Variants in TNKS2 observed in about 807,000 individuals in gnomAD.
TNKS2 encodes the protein tankyrase 2.
A neutral mutation model predicts 137.6 loss-of-function variants in TNKS2; 72 were observed. The ratio of observed to expected loss-of-function variants is 0.52; its 90% CI spans 0.43 to 0.64. TNKS2 has a LOEUF of 0.64. TNKS2 is among the 30% of genes least tolerant of loss of function. The pLI is 0.00. For missense variants in TNKS2, 1,049 were observed against 1,410.2 expected, an observed-to-expected ratio of 0.74 and a Z score of 4.10; for synonymous variants, 516 against 512.1, an observed-to-expected ratio of 1.01 and a Z score of -0.10.
rs895846439 is a variant in TNKS2 at position 91,798,432 on chromosome 10, C to A, written c.-259C>A. 4 of 278,508 alleles carry A rather than the reference C, an allele frequency of 1.4e-5. No homozygotes were observed. Among genetic ancestry groups the A allele is most frequent in the Non-Finnish European group, 2.6e-5 (4 of 153,126 alleles). 17.3% of individuals were successfully genotyped at this position (278,508 alleles called of 1,614,324 possible). A position where few individuals can be genotyped will look rare whatever the true frequency, so the allele number is the denominator to read the frequency against. On this transcript the variant is annotated 5_prime_UTR_variant, in exon 1 of 27. Transcript: ENST00000371627. ...TGGCAGGAGGGGCCTTGCCAGCTTCCGCCGCCGCGTCGTTTCAGGACCCGG... is the reference window on the plus strand; with the variant it reads ...TGGCAGGAGGGGCCTTGCCAGCTTCAGCCGCCGCGTCGTTTCAGGACCCGG...
intron 16 of TNKS2, among the ~76,000 whole-genome samples, chr10:91,843,670 G>C (rs1007749455): frequency 2.6e-5 from 4 of 152,136 alleles, no homozygotes; most frequent in African/African-American, 9.7e-5. Context: ...TAAAATCACT[G>C]AGCTATAGCT....
intron 24 of TNKS2, 99 bp from the exon 25 acceptor site, chr10:91,859,363 G>T: frequency 9.9e-7 from 1 of 1,011,600 alleles, no homozygotes; most frequent in Non-Finnish European, 1.4e-6. Context: ...ATTATGGTTG[G>T]GCTATATATT....
chr10:91,844,960 C>T lies in TNKS2; in HGVS notation c.2101C>T (p.His701Tyr), dbSNP rs1345596359. Residue 701 changes from histidine (H) to tyrosine (Y), a missense_variant, in exon 17 of 27, where the codon CAC becomes TAC. By Grantham distance (83) the His-to-Tyr change is moderately conservative (BLOSUM62 2). Coordinates refer to ENST00000371627, the MANE Select transcript of TNKS2 (RefSeq NM_025235.4). Reference protein sequence around the residue: ...NLEVAEYLLQHGADVNAQDKG... With the variant: ...NLEVAEYLLQYGADVNAQDKG... Reference sequence around the variant, plus strand: ...AGAAGTTGCAGAGTATTTGTTACAACACGGAGCTGATGTGAATGCCCAAGA... The same window carrying T: ...AGAAGTTGCAGAGTATTTGTTACAATACGGAGCTGATGTGAATGCCCAAGA... The T allele has an allele frequency of 3.7e-6, 6 of 1,613,418 alleles. No individual in the cohort carries two copies. Among genetic ancestry groups the T allele is most frequent in the East Asian group, 2.2e-5 (1 of 44,830 alleles).
intron 26 of TNKS2, among the ~76,000 whole-genome samples, 189 bp from the exon 27 acceptor site, chr10:91,862,748 G>T (rs1258579987): frequency 6.6e-6 from 1 of 152,062 alleles, no homozygotes; most frequent in Non-Finnish European, 1.5e-5. Context: ...ATTCATCTTA[G>T]ACTTGCTGAT....
At chr10:91,820,149 T>G (rs1246113645) in intron 6 of TNKS2, 116 bp downstream of exon 6, 1 of 640,740 alleles carries the variant, frequency 1.6e-6, no homozygotes, top group African/African-American at 1.9e-5. Context: ...ATATTGAGCT[T>G]TTACAATGTA....
Position 91,810,495 on chromosome 10 carries a change from G to GTTGTT in TNKS2, c.200-2470_200-2466dup, listed in dbSNP as rs111875788. 5.7e-3 allele frequency among the ~76,000 whole-genome samples: 866 copies of GTTGTT among 151,854 alleles called. 9 individuals are homozygous for GTTGTT. The highest frequency in any genetic ancestry group is 0.019 in the African/African-American group (783 of 41,398). On this transcript the variant is annotated intron_variant, in intron 1 of 26. Transcript: ENST00000371627. ...AGCCTAACATACTCCTTTCATTGTT[G>GTTGTT]TTGTTTTGTTTTGTTTTGTTTTTTT... is the stretch of plus-strand genomic sequence containing the variant.
At chr10:91,836,000 CGTGTGTGTGTGTGTGT>C (rs58777939) in intron 12 of TNKS2, among the ~76,000 whole-genome samples, 83 of 113,030 alleles carry the variant, frequency 7.3e-4, no homozygotes, top group Non-Finnish European at 1.2e-3. Context: ...ATAAGAATAC[CGTGTGTGTGTGTGTGT>C]GTGTGTGTGT....
chr10:91,804,410 A>T (rs1282309179), intron 1 of TNKS2, among the ~76,000 whole-genome samples: 2 of 152,220 alleles, frequency 1.3e-5, no homozygotes, highest in Non-Finnish European at 2.9e-5. Flanking sequence ...TACTCTGTGT[A>T]TGGTTTCATC....
chr10:91,834,072 A>C, intron 12 of TNKS2, 48 bp downstream of exon 12: 1 of 1,445,624 alleles, frequency 6.9e-7, no homozygotes, highest in Non-Finnish European at 9.2e-7. Context: ...AACCTTTAAA[A>C]ATTTTTCACA....
rs1444245169 is a variant in TNKS2, at chr10:91,817,175, G to T, written c.466G>T (p.Asp156Tyr). ...AGCTGAGCCAACCATCCGAAATACAGATGGAAGGACAGCATTGGATTTAGC... is the reference window on the plus strand; with the variant it reads ...AGCTGAGCCAACCATCCGAAATACATATGGAAGGACAGCATTGGATTTAGC... ...HGAEPTIRNT[D>Y]GRTALDLADP... Residue 156 changes from aspartate to tyrosine, a missense_variant, in exon 3 of 27, where the codon GAT (aspartate) becomes TAT (tyrosine). By Grantham distance (160) the Asp-to-Tyr change is radical. Transcript: ENST00000371627. 1.2e-6 allele frequency: 2 copies of T among 1,613,694 alleles called. No homozygotes were observed. The highest frequency in any genetic ancestry group is 1.7e-6 in the Non-Finnish European group (2 of 1,179,898).
intron 21 of TNKS2, among the ~76,000 whole-genome samples, chr10:91,852,976 T>C (rs969714932): frequency 2.0e-5 from 3 of 152,218 alleles, no homozygotes; most frequent in South Asian, 4.1e-4. Flanking sequence ...GGAAAGTCCA[T>C]GATTTCCTGA....
chr10:91,811,893 A>G (rs1252782595), intron 1 of TNKS2, among the ~76,000 whole-genome samples: 1 of 152,114 alleles, frequency 6.6e-6, no homozygotes, highest in Admixed American at 6.5e-5. Flanking sequence ...TCCCATCTCT[A>G]CTAAAAAATA....
intron 10 of TNKS2, 44 bp from the exon 11 acceptor site, chr10:91,831,059 T>C: frequency 1.2e-6 from 2 of 1,612,892 alleles, no homozygotes; most frequent in Non-Finnish European, 1.7e-6. Flanking sequence ...ATTTTACTCT[T>C]TTGGAAAATA....
At chr10:91,799,035 A>G (rs1844068613) in intron 1 of TNKS2, 146 bp downstream of exon 1, 1 of 1,214,570 alleles carries the variant, frequency 8.2e-7, no homozygotes, top group Middle Eastern at 3.2e-4. Context: ...AGTGGGGACT[A>G]AGGAGATTAG....
intron 24 of TNKS2, 27 bp downstream of exon 24, chr10:91,857,557 C>T (rs1842744306): frequency 2.1e-6 from 3 of 1,430,654 alleles, no homozygotes; most frequent in Middle Eastern, 1.8e-4. Flanking sequence ...CCAACTCTAC[C>T]ACTGTCTTCC....
intron 3 of TNKS2, among the ~76,000 whole-genome samples, chr10:91,818,808 C>CA (rs1448389835): frequency 6.6e-6 from 1 of 152,152 alleles, no homozygotes; most frequent in Non-Finnish European, 1.5e-5. Flanking sequence ...GCTGGGATTA[C>CA]AGACATGAGC....
chr10:91,857,199 C>T (rs376356541), intron 23 of TNKS2, among the ~76,000 whole-genome samples: 19 of 152,200 alleles, frequency 1.2e-4, no homozygotes, highest in South Asian at 1.0e-3. Flanking sequence ...CTGACCTTCA[C>T]ATATGGCCTT....
intron 6 of TNKS2, among the ~76,000 whole-genome samples, chr10:91,820,657 GATT>G (rs1844857281): frequency 6.6e-6 from 1 of 152,224 alleles, no homozygotes; most frequent in African/African-American, 2.4e-5. Flanking sequence ...CAAAGGGGAT[GATT>G]ATTCTAAAAG....
intron 5 of TNKS2, 137 bp from the exon 6 acceptor site, chr10:91,819,802 T>G: frequency 1.4e-6 from 1 of 734,908 alleles, no homozygotes; most frequent in Non-Finnish European, 2.1e-6. Context: ...GTATGTTGGA[T>G]TTTGTAAAAC....
Sources: gnomAD v4.1 joint callset for allele counts (sites outside exome capture counted in the v4.1 genomes callset) on GRCh38, gnomAD v4.1.1 for gene constraint, MANE v1.5 for transcripts, NCBI Gene and HGNC (gene_info 2026-07-23, HGNC 2026-07-21) for gene names.